The following ADAMTS18 variants were observed in gnomAD, a reference collection of about 807,000 sequenced individuals.
ADAMTS18 encodes the protein A disintegrin and metalloproteinase with thrombospondin motifs 18.
A neutral mutation model predicts 165.9 loss-of-function variants in ADAMTS18; 157 were observed. That is an observed-to-expected ratio of 0.95 (90% confidence interval 0.83 to 1.08). The LOEUF (loss-of-function observed/expected upper bound fraction) is 1.08, where lower values mean the gene tolerates loss of function less well. Ranked by LOEUF, ADAMTS18 falls within the 50% of genes least tolerant of loss-of-function variation. The pLI, the probability that ADAMTS18 is intolerant of heterozygous loss-of-function variation, is 0.00. For synonymous variants in ADAMTS18, 782 were observed against 578.2 expected (o/e 1.35, Z -5.06); for missense variants, 2,040 against 1,534.0 (o/e 1.33, Z -5.51).
At position 77,325,533 on chromosome 16, in the gene ADAMTS18, T is replaced by G. The variant is rs1333383276; in HGVS notation, c.2032+333A>C. Among the ~76,000 whole-genome samples the G allele has an allele frequency of 2.6e-5, 4 of 152,140 alleles. No homozygotes were observed. In the East Asian group the frequency reaches 7.7e-4, roughly 29 times the overall value. Reference sequence around the variant, plus strand: ...TATATGGTTTCATGAGTTTTTGGTCTGGACAGTTCATACCAATTTCAATTA... The same window carrying G: ...TATATGGTTTCATGAGTTTTTGGTCGGGACAGTTCATACCAATTTCAATTA... On this transcript the variant is annotated intron_variant, in intron 13 of 22. Transcript: ENST00000282849.
intron 3 of ADAMTS18, among the ~76,000 whole-genome samples, chr16:77,378,559 A>G (rs1238259464): frequency 2.0e-5 from 3 of 151,870 alleles, no homozygotes; most frequent in Non-Finnish European, 4.4e-5. Flanking sequence ...CACTGAAAAT[A>G]CAAAAATTAC....
chr16:77,315,791 C>T (rs1262389920), intron 16 of ADAMTS18, among the ~76,000 whole-genome samples: 1 of 152,206 alleles, frequency 6.6e-6, no homozygotes, highest in Non-Finnish European at 1.5e-5. Context: ...TACTATACTA[C>T]ACTTTAGGTA....
In ADAMTS18 at chr16:77,300,282, G is replaced by A. The variant is rs2144591262; in HGVS notation, c.2655C>T (p.Cys885=). ...AYTWSIVQSE[C]SVSCGGGYIN... Reference sequence around the variant, plus strand: ...ATCTACCTCCACCACAGGAGACGGAGCACTCTGACTGCACGATACTCCAGG... The same window carrying A: ...ATCTACCTCCACCACAGGAGACGGAACACTCTGACTGCACGATACTCCAGG... Residue 885 remains cysteine, a synonymous_variant, in exon 17 of 23, where the codon TGC becomes TGT. Coordinates refer to ENST00000282849, the MANE Select transcript of ADAMTS18 (RefSeq NM_199355.4). 6.2e-7 allele frequency: 1 copy of A among 1,614,090 alleles called. No individual in the cohort carries two copies. The highest frequency in any genetic ancestry group is 8.5e-7 in the Non-Finnish European group (1 of 1,179,978).
At chr16:77,390,625 G>C (rs1399608994) in intron 3 of ADAMTS18, among the ~76,000 whole-genome samples, 3 of 151,854 alleles carry the variant, frequency 2.0e-5, no homozygotes, top group African/African-American at 7.3e-5. Context: ...GGCAGACGGA[G>C]GTTGCAGTGA....
chr16:77,356,936 T>A (rs543316752), intron 8 of ADAMTS18, among the ~76,000 whole-genome samples: 3 of 150,586 alleles, frequency 2.0e-5, no homozygotes, highest in East Asian at 3.9e-4. Context: ...GAAATAAGAG[T>A]CTTTGATCTT....
chr16:77,376,901 A>G (rs953657894), intron 3 of ADAMTS18, among the ~76,000 whole-genome samples: 5 of 140,738 alleles, frequency 3.6e-5, no homozygotes, highest in South Asian at 2.2e-4. Flanking sequence ...TGAAACCTCT[A>G]TCTCCCAGGT....
intron 3 of ADAMTS18, among the ~76,000 whole-genome samples, chr16:77,422,329 C>T (rs1441797903): frequency 6.6e-6 from 1 of 151,764 alleles, no homozygotes; most frequent in Non-Finnish European, 1.5e-5. Flanking sequence ...ACCGCAGATG[C>T]CAGGTACCCA....
At position 77,353,879 on chromosome 16, in the gene ADAMTS18, G is replaced by A; in HGVS notation, c.1468C>T (p.Gln490Ter). The A allele has an allele frequency of 6.2e-7, 1 of 1,614,154 alleles. No homozygotes were observed. Among genetic ancestry groups the A allele is most frequent in the African/African-American group, 1.3e-5 (1 of 75,046 alleles). The change falls in exon 10 of 23, where the codon CAG becomes TAG. Residue 490 changes from glutamine (Q) to a stop codon, truncating the protein, a stop_gained. Coordinates refer to ENST00000282849, the MANE Select transcript of ADAMTS18 (RefSeq NM_199355.4). LOFTEE classifies it high-confidence loss of function. ...GGCTCATCCACTAGACACCCCGCCT[G>A]AGGTGTGCTGTAATGACAATACATG... ...QYLKKFLSTP[Q>*]AGCLVDEPKQ... is the part of the protein sequence containing the mutation.
intron 22 of ADAMTS18, 105 bp from the exon 23 acceptor site, chr16:77,284,176 A>C (rs2055204132): frequency 4.1e-6 from 3 of 739,976 alleles, no homozygotes; most frequent in Admixed American, 4.3e-5. Context: ...GCTGGAGTGC[A>C]GTGGTGTGGT....
At chr16:77,367,370 A>G in intron 4 of ADAMTS18, 71 bp downstream of exon 4, 9 of 1,589,364 alleles carry the variant, frequency 5.7e-6, no homozygotes, top group Non-Finnish European at 6.0e-6. Context: ...AAGCTTGTAC[A>G]CCCAACAGCA....
At chr16:77,341,439 T>C (rs1477393130) in intron 11 of ADAMTS18, among the ~76,000 whole-genome samples, 1 of 151,686 alleles carries the variant, frequency 6.6e-6, no homozygotes, top group Non-Finnish European at 1.5e-5. Context: ...ACCTGTAAGC[T>C]CATTGAAATA....
Position 77,362,195 on chromosome 16 carries a change from T to C in ADAMTS18, c.1126A>G (p.Ile376Val). The C allele has an allele frequency of 1.2e-6, 2 of 1,614,148 alleles. No homozygotes were observed. The highest frequency in any genetic ancestry group is 1.7e-6 in the Non-Finnish European group (2 of 1,180,014). ...NSFCQWQSALIGKNGKRHDHA... is the reference protein window; with the variant it reads ...NSFCQWQSALVGKNGKRHDHA... ...TCATGTCTCTTGCCATTCTTTCCAA[T>C]GAGGGCAGACTGCCATTGACAAAAA... The change falls in exon 7 of 23, where the codon ATT (isoleucine) becomes GTT (valine). Residue 376 changes from isoleucine (I) to valine (V), a missense_variant. By Grantham distance (29) the Ile-to-Val change is conservative. Coordinates refer to ENST00000282849, the MANE Select transcript of ADAMTS18 (RefSeq NM_199355.4).
At chr16:77,311,402 C>G (rs2144616892) in intron 16 of ADAMTS18, among the ~76,000 whole-genome samples, 1 of 152,286 alleles carries the variant, frequency 6.6e-6, no homozygotes, top group East Asian at 1.9e-4. Context: ...CTCTTCATAG[C>G]TGTTGTATGG....
chr16:77,375,075 C>G (rs986424264), intron 3 of ADAMTS18, among the ~76,000 whole-genome samples: 11 of 152,042 alleles, frequency 7.2e-5, no homozygotes, highest in Non-Finnish European at 1.5e-5. Flanking sequence ...CAAAGTCTGG[C>G]TTGGTAACAG....
intron 4 of ADAMTS18, 115 bp from the exon 5 acceptor site, chr16:77,364,496 A>C: frequency 2.7e-6 from 3 of 1,109,248 alleles, no homozygotes; most frequent in Non-Finnish European, 3.9e-6. Context: ...CACACCACCA[A>C]TCCACTAACA....
At chr16:77,422,526 GAA>G (rs2057616578) in intron 3 of ADAMTS18, among the ~76,000 whole-genome samples, 1 of 143,420 alleles carries the variant, frequency 7.0e-6, no homozygotes, top group South Asian at 2.3e-4. Flanking sequence ...GGGAGGGAGG[GAA>G]GAGAGGAGAG....
At chr16:77,382,145 AC>A (rs2057040127) in intron 3 of ADAMTS18, among the ~76,000 whole-genome samples, 1 of 152,200 alleles carries the variant, frequency 6.6e-6, no homozygotes, top group Non-Finnish European at 1.5e-5. Context: ...AATAAAAGAT[AC>A]CATATCTTCC....
intron 16 of ADAMTS18, among the ~76,000 whole-genome samples, chr16:77,319,366 T>C (rs976735490): frequency 2.0e-5 from 3 of 152,198 alleles, no homozygotes; most frequent in African/African-American, 7.2e-5. Context: ...CCATTTGGGT[T>C]CCTGTCCTCT....
chr16:77,425,882 A>C (rs146296740), intron 3 of ADAMTS18, among the ~76,000 whole-genome samples: 5,868 of 152,182 alleles, frequency 0.039, 166 homozygotes, highest in Middle Eastern at 0.075. Context: ...ATCTCTACTA[A>C]AAATAACAAA....
Sources: gnomAD v4.1 joint callset for allele counts (sites outside exome capture counted in the v4.1 genomes callset) on GRCh38, gnomAD v4.1.1 for gene constraint, MANE v1.5 for transcripts, NCBI Gene and HGNC (gene_info 2026-07-23, HGNC 2026-07-21) for gene names.